RC3H1: variants seen among roughly 807,000 people sequenced by gnomAD.
RC3H1 encodes roquin-1.
RC3H1 carries 50 observed loss-of-function variants against 138.2 expected under a neutral mutation model. That is an observed-to-expected ratio of 0.36 (90% CI 0.29 to 0.46). The LOEUF is 0.46. Ranked by LOEUF, RC3H1 falls within the 20% of genes least tolerant of loss-of-function variation. RC3H1 has a pLI of 1.00. For synonymous variants in RC3H1, 462 were observed against 489.1 expected (o/e 0.94, Z 0.73); for missense variants, 1,031 against 1,388.1 (o/e 0.74, Z 4.09).
chr1:173,972,950 G>A (rs1352902771), intron 7 of RC3H1, among the ~76,000 whole-genome samples: 1 of 152,224 alleles, frequency 6.6e-6, no homozygotes, highest in Non-Finnish European at 1.5e-5. Context: ...GAACTGGGGA[G>A]CATGTCCCTC....
rs891956093 is a variant in RC3H1, at chr1:173,931,260, T to C, written c.*7461A>G. 1 of 152,206 alleles carries C rather than the reference T, an allele frequency of 6.6e-6. No individual in the cohort carries two copies. The highest frequency in any genetic ancestry group is 2.4e-5 in the African/African-American group (1 of 41,468). 9.4% of individuals were successfully genotyped at this position (152,206 alleles called of 1,614,324 possible). On this transcript the variant is annotated 3_prime_UTR_variant, in exon 20 of 20. Transcript: ENST00000367696. ...AATATAAATGCTGACAGAAAGCAGA[T>C]AAAGACCTTGTAGACATTTTCATAT...
chr1:173,963,991 G>C lies in RC3H1; in HGVS notation c.1813C>G (p.Pro605Ala). ...TCGTTACCCTGCTGATAAGGTGCTG[G>C]TTCAAATGGCGGAGCTGCTCCTCGA... is the stretch of plus-strand genomic sequence containing the variant. ...DPRGAAPPFE[P>A]APYQQGMYYT... The change falls in exon 11 of 20, where the codon CCA (proline) becomes GCA (alanine). Residue 605 changes from proline (P) to alanine (A), a missense_variant. Physicochemically the swap from Pro to Ala is conservative, Grantham distance 27. Transcript: ENST00000367696. 1 of 1,614,042 alleles carries C rather than the reference G, an allele frequency of 6.2e-7. No individual in the cohort carries two copies. Among genetic ancestry groups the C allele is most frequent in the African/African-American group, 1.3e-5 (1 of 75,032 alleles).
At chr1:173,950,167 CA>C (rs989953163) in intron 14 of RC3H1, among the ~76,000 whole-genome samples, 12 of 148,332 alleles carry the variant, frequency 8.1e-5, no homozygotes, top group African/African-American at 2.5e-4. Context: ...AACTCCGTCT[CA>C]AAAAAAAAGT....
chr1:173,993,994 T>C (rs1229110758), intron 1 of RC3H1, among the ~76,000 whole-genome samples: 1 of 119,154 alleles, frequency 8.4e-6, no homozygotes, highest in African/African-American at 3.4e-5. Context: ...CACTCCACTC[T>C]GGGGAACAAG....
At chr1:173,939,012 T>C in intron 19 of RC3H1, 141 bp from the exon 20 acceptor site, 1 of 606,766 alleles carries the variant, frequency 1.6e-6, no homozygotes. Flanking sequence ...ATCCATGTTT[T>C]AGCACACAGT....
At chr1:173,948,960 A>G (rs1011392131) in intron 14 of RC3H1, among the ~76,000 whole-genome samples, 1 of 152,056 alleles carries the variant, frequency 6.6e-6, no homozygotes, top group African/African-American at 2.4e-5. Flanking sequence ...TTAATATAAT[A>G]ACCCTTTCCT....
intron 2 of RC3H1, among the ~76,000 whole-genome samples, chr1:173,989,407 T>C (rs1557945837): frequency 6.6e-6 from 1 of 152,220 alleles, no homozygotes; most frequent in Non-Finnish European, 1.5e-5. Flanking sequence ...TTTGCCATGT[T>C]GCCTAGGCTG....
intron 13 of RC3H1, among the ~76,000 whole-genome samples, chr1:173,960,681 C>T (rs1397741585): frequency 6.6e-6 from 1 of 152,114 alleles, no homozygotes; most frequent in South Asian, 2.1e-4. Context: ...GAAAATATAA[C>T]CACCACATAT....
At chr1:173,990,636 G>A (rs1004717649) in intron 2 of RC3H1, among the ~76,000 whole-genome samples, 5 of 150,030 alleles carry the variant, frequency 3.3e-5, no homozygotes, top group African/African-American at 2.5e-5. Flanking sequence ...GCAGTGGTGC[G>A]ATCTCGGCTC....
intron 18 of RC3H1, chr1:173,941,596 A>G (rs1658863752): frequency 7.0e-6 from 3 of 431,074 alleles, no homozygotes; most frequent in East Asian, 4.1e-5. Flanking sequence ...AAGACAGACA[A>G]TGCCTCAAGC....
intron 19 of RC3H1, 122 bp downstream of exon 19, chr1:173,941,143 G>T (rs771731420): frequency 1.9e-5 from 13 of 696,802 alleles, no homozygotes; most frequent in Non-Finnish European, 3.1e-5. Context: ...TATGTACACA[G>T]AATAATGATA....
At chr1:173,961,310 C>T (rs548271300) in intron 12 of RC3H1, 66 bp from the exon 13 acceptor site, 4 of 1,404,192 alleles carry the variant, frequency 2.8e-6, no homozygotes, top group Middle Eastern at 2.4e-4. Context: ...ATTTAATATA[C>T]TCAGCGTATA....
intron 1 of RC3H1, among the ~76,000 whole-genome samples, chr1:174,013,627 A>G (rs958055500): frequency 6.6e-6 from 1 of 151,936 alleles, no homozygotes; most frequent in Non-Finnish European, 1.5e-5. Context: ...TTTTTAGTAG[A>G]GACAGGGTTT....
intron 13 of RC3H1, among the ~76,000 whole-genome samples, chr1:173,954,388 A>C (rs1659546337): frequency 6.6e-6 from 1 of 152,054 alleles, no homozygotes; most frequent in Non-Finnish European, 1.5e-5. Context: ...ACAGAAGTAG[A>C]GAGTGGAACT....
chr1:173,952,170 A>T (rs750408657), intron 13 of RC3H1, 32 bp from the exon 14 acceptor site: 2 of 1,494,518 alleles, frequency 1.3e-6, no homozygotes, highest in Non-Finnish European at 1.8e-6. Flanking sequence ...AAACAAAAAA[A>T]AAAAAAAGAG....
intron 7 of RC3H1, among the ~76,000 whole-genome samples, chr1:173,977,398 G>A (rs914991716): frequency 6.6e-6 from 1 of 152,154 alleles, no homozygotes; most frequent in Admixed American, 6.5e-5. Context: ...GTATGAAACA[G>A]TATGTAGAAC....
chr1:174,003,026 TCTC>T (rs1327058901), intron 1 of RC3H1, among the ~76,000 whole-genome samples: 2 of 152,136 alleles, frequency 1.3e-5, no homozygotes, highest in African/African-American at 4.8e-5. Flanking sequence ...TCCATGTTCA[TCTC>T]CTCCCCACCA....
At chr1:174,017,385 C>G (rs1445822411) in intron 1 of RC3H1, among the ~76,000 whole-genome samples, 1 of 152,162 alleles carries the variant, frequency 6.6e-6, no homozygotes, top group Non-Finnish European at 1.5e-5. Context: ...CATAAAGAGT[C>G]CCTGGCAGCA....
chr1:173,977,551 G>A (rs1660639761), intron 7 of RC3H1, among the ~76,000 whole-genome samples: 1 of 152,208 alleles, frequency 6.6e-6, no homozygotes, highest in African/African-American at 2.4e-5. Context: ...GAAGCACTCA[G>A]AGGACACGAT....
Sources: gnomAD v4.1 joint callset for allele counts (sites outside exome capture counted in the v4.1 genomes callset) on GRCh38, gnomAD v4.1.1 for gene constraint, MANE v1.5 for transcripts, NCBI Gene and HGNC (gene_info 2026-07-23, HGNC 2026-07-21) for gene names.